Variants in PRH1 observed in about 807,000 individuals in gnomAD.
The protein encoded by PRH1 is proline rich protein HaeIII subfamily 1, also known as salivary acidic proline-rich phosphoprotein 1/2.
In PRH1, 7 loss-of-function variants were observed where a neutral mutation model predicts 7.9. That is an observed-to-expected ratio of 0.89 (90% CI 0.50 to 1.67). The LOEUF is 1.67. PRH1 is among the 40% of genes most tolerant of loss of function. The probability of loss-of-function intolerance (pLI) is 0.00; values close to 1 mark genes in which losing one functional copy is unlikely to be tolerated. For missense variants in PRH1, 109 were observed against 223.6 expected, an observed-to-expected ratio of 0.49 and a Z score of 3.27; for synonymous variants, 45 against 80.8, an observed-to-expected ratio of 0.56 and a Z score of 2.38.
chr12:11,065,851 T>C (rs879517063), intron 1 of PRH1, among the ~76,000 whole-genome samples: 8 of 152,212 alleles, frequency 5.3e-5, no homozygotes, highest in Admixed American at 3.9e-4. Context: ...TGGAAATTGA[T>C]TTGATGTGAG....
At chr12:10,926,396 T>C (rs1950123894) in intron 2 of PRH1, among the ~76,000 whole-genome samples, 1 of 152,186 alleles carries the variant, frequency 6.6e-6, no homozygotes, top group Non-Finnish European at 1.5e-5. Context: ...AGATCCTACT[T>C]TATATTCCAT....
At chr12:11,157,724 CAAT>C (rs1377966419) in intron 1 of PRH1, among the ~76,000 whole-genome samples, 1 of 152,114 alleles carries the variant, frequency 6.6e-6, no homozygotes, top group Non-Finnish European at 1.5e-5. Context: ...AACTTACCCA[CAAT>C]AATAATCTTT....
At chr12:11,047,491 A>G (rs2136139352), upstream of PRH1, among the ~76,000 whole-genome samples, 1 of 151,026 alleles carries the variant, frequency 6.6e-6, no homozygotes, top group East Asian at 1.9e-4. Context: ...ATAAATGGAA[A>G]TACTTGACAT....
At position 11,133,390 on chromosome 12, in the gene PRH1, C is replaced by T. The variant is rs1946432672; in HGVS notation, n.40-12210G>A. 4 of 1,613,930 alleles carry T rather than the reference C, an allele frequency of 2.5e-6. No homozygotes were observed. In the African/African-American group the frequency reaches 5.3e-5, roughly 22 times the overall value. On this transcript the variant is annotated intron_variant and non_coding_transcript_variant, in intron 1 of 1. Transcript: ENST00000541175. Reference sequence around the variant, plus strand: ...AAACTGAAAGAAAAATCTGCTTTAGCTTCTTGTTTCCCAAAATCAGGATGA... The same window carrying T: ...AAACTGAAAGAAAAATCTGCTTTAGTTTCTTGTTTCCCAAAATCAGGATGA...
intron 1 of PRH1, among the ~76,000 whole-genome samples, chr12:11,131,034 T>G (rs556693566): frequency 7.1e-6 from 1 of 140,620 alleles, no homozygotes; most frequent in Admixed American, 7.2e-5. Flanking sequence ...CTTGAATGCA[T>G]CACCACACTG....
At chr12:11,048,161 T>TATAGATAGATAG (rs1555147091), upstream of PRH1, among the ~76,000 whole-genome samples, 2,051 of 139,170 alleles carry the variant, frequency 0.015, 13 homozygotes, top group African/African-American at 0.019. Flanking sequence ...TGTGTGTGTG[T>TATAGATAGATAG]ATAGATAGAT....
At chr12:11,134,806 C>A (rs1346811945) in intron 1 of PRH1, among the ~76,000 whole-genome samples, 1 of 152,116 alleles carries the variant, frequency 6.6e-6, no homozygotes, top group Admixed American at 6.6e-5. Context: ...TCAAAAGCAT[C>A]TAAGATTTAC....
At chr12:11,103,529 G>A (rs992611352) in intron 1 of PRH1, among the ~76,000 whole-genome samples, 2 of 151,118 alleles carry the variant, frequency 1.3e-5, no homozygotes, top group Admixed American at 6.6e-5. Context: ...TCACACTCTG[G>A]GGCCTGTTGT....
chr12:10,978,147 C>G (rs1939193783), intron 1 of PRH1, among the ~76,000 whole-genome samples: 1 of 149,536 alleles, frequency 6.7e-6, no homozygotes, highest in African/African-American at 2.4e-5. Context: ...GCTGGAGGCA[C>G]ATTACCTAAC....
chr12:11,002,251 T>C (rs929443837), intron 1 of PRH1, among the ~76,000 whole-genome samples: 3 of 152,126 alleles, frequency 2.0e-5, no homozygotes, highest in Admixed American at 6.6e-5. Context: ...ATAATGTCAG[T>C]TAAAAGGGGC....
intron 1 of PRH1, among the ~76,000 whole-genome samples, chr12:11,140,688 C>A (rs1237820740): frequency 6.6e-6 from 1 of 152,154 alleles, no homozygotes; most frequent in African/African-American, 2.4e-5. Context: ...AAGCTGAATT[C>A]TCATATACTA....
intron 1 of PRH1, chr12:10,997,126 C>T: frequency 1.2e-6 from 2 of 1,613,994 alleles, no homozygotes; most frequent in South Asian, 2.2e-5. Flanking sequence ...TCTTAAAATT[C>T]CAAAACGATA....
At chr12:11,061,479 A>C (rs1399501435) in intron 1 of PRH1, 1 of 1,614,172 alleles carries the variant, frequency 6.2e-7, no homozygotes, top group Admixed American at 1.7e-5. Context: ...GGTGGGTTGA[A>C]GGATAGCTGA....
intron 2 of PRH1, among the ~76,000 whole-genome samples, chr12:10,970,949 C>T (rs1938785244): frequency 6.6e-6 from 1 of 152,180 alleles, no homozygotes; most frequent in African/African-American, 2.4e-5. Context: ...ACAGTTCTAT[C>T]TATGAGAATA....
At chr12:10,934,519 G>C (rs539583113) in intron 2 of PRH1, among the ~76,000 whole-genome samples, 2 of 152,054 alleles carry the variant, frequency 1.3e-5, no homozygotes, top group Non-Finnish European at 2.9e-5. Flanking sequence ...GCTGCAAAGA[G>C]AGAGCTCCAA....
intron 2 of PRH1, among the ~76,000 whole-genome samples, chr12:10,897,736 A>C (rs1488227865): frequency 6.6e-6 from 1 of 152,126 alleles, no homozygotes; most frequent in East Asian, 1.9e-4. Flanking sequence ...TACACTTTCA[A>C]ACAACCAAAT....
At chr12:10,988,356 G>A (rs1307390271) in intron 1 of PRH1, among the ~76,000 whole-genome samples, 4 of 152,088 alleles carry the variant, frequency 2.6e-5, no homozygotes, top group African/African-American at 9.6e-5. Flanking sequence ...GATGGGGAGT[G>A]GCAAAGTTTT....
intron 2 of PRH1, among the ~76,000 whole-genome samples, chr12:10,931,655 G>A (rs1439893476): frequency 6.6e-6 from 1 of 152,000 alleles, no homozygotes; most frequent in Non-Finnish European, 1.5e-5. Flanking sequence ...ACTTTTTACT[G>A]TTTGGAAACT....
At chr12:10,977,493 G>T (rs1939160434) in intron 1 of PRH1, among the ~76,000 whole-genome samples, 1 of 152,098 alleles carries the variant, frequency 6.6e-6, no homozygotes, top group South Asian at 2.1e-4. Context: ...TCCCCTGGAA[G>T]ATAGGAACAA....
Sources: allele counts gnomAD v4.1 joint callset (sites outside exome capture counted in the v4.1 genomes callset), GRCh38; gene constraint gnomAD v4.1.1; transcripts MANE v1.5; gene names NCBI Gene and HGNC (gene_info 2026-07-23, HGNC 2026-07-21).